Variants in PLXDC2 observed in about 807,000 individuals in gnomAD.
PLXDC2 encodes plexin domain-containing protein 2.
A neutral mutation model predicts 68.9 loss-of-function variants in PLXDC2; 40 were observed. The observed-to-expected ratio is 0.58, with a 90% CI of 0.45 to 0.76. The LOEUF (loss-of-function observed/expected upper bound fraction) is 0.76, where lower values mean the gene tolerates loss of function less well. Ranked by LOEUF, PLXDC2 falls within the 30% of genes least tolerant of loss-of-function variation. The pLI, the probability that PLXDC2 is intolerant of heterozygous loss-of-function variation, is 0.00. For synonymous variants in PLXDC2, 243 were observed against 234.2 expected, an observed-to-expected ratio of 1.04 and a Z score of -0.34; for missense variants, 644 against 661.9, an observed-to-expected ratio of 0.97 and a Z score of 0.30.
intron 1 of PLXDC2, among the ~76,000 whole-genome samples, chr10:19,872,170 G>A (rs537200301): frequency 5.9e-5 from 9 of 152,338 alleles, no homozygotes; most frequent in Non-Finnish European, 1.0e-4. Context: ...CATTAGCCAT[G>A]AAATAGTCCA....
chr10:19,920,978 A>G (rs1392199931), intron 1 of PLXDC2, among the ~76,000 whole-genome samples: 1 of 151,804 alleles, frequency 6.6e-6, no homozygotes, highest in South Asian at 2.1e-4. Flanking sequence ...CCCAGGCTGG[A>G]GTTCAGTGGC....
At chr10:20,167,944 T>C (rs1048216685) in intron 7 of PLXDC2, among the ~76,000 whole-genome samples, 1 of 152,128 alleles carries the variant, frequency 6.6e-6, no homozygotes, top group Non-Finnish European at 1.5e-5. Context: ...TGTTTTTCAG[T>C]TTTTGAAGAC....
intron 3 of PLXDC2, among the ~76,000 whole-genome samples, chr10:20,051,397 T>A (rs1473759189): frequency 7.3e-4 from 1 of 1,370 alleles, no homozygotes; most frequent in Admixed American, 4.0e-3. Context: ...AAAGGTTAAA[T>A]ATATATATAT....
chr10:19,846,956 C>T (rs1235120193), intron 1 of PLXDC2, among the ~76,000 whole-genome samples: 2 of 152,022 alleles, frequency 1.3e-5, no homozygotes, highest in East Asian at 1.9e-4. Context: ...CAAGAGAGAG[C>T]GTGTGCAGGT....
intron 1 of PLXDC2, among the ~76,000 whole-genome samples, chr10:19,862,723 G>A (rs1024650986): frequency 4.6e-5 from 7 of 152,092 alleles, no homozygotes; most frequent in Non-Finnish European, 8.8e-5. Context: ...TCCCAATCAC[G>A]GAAAAATGGA....
intron 1 of PLXDC2, among the ~76,000 whole-genome samples, chr10:19,907,172 G>C (rs1833178854): frequency 6.6e-6 from 1 of 152,024 alleles, no homozygotes; most frequent in Non-Finnish European, 1.5e-5. Flanking sequence ...TTATTTTCTT[G>C]AGCGCTAAGA....
In PLXDC2 at chr10:19,953,600, A is replaced by G. The variant is rs753708425; in HGVS notation, c.113-48175A>G. 6.7e-4 allele frequency among the ~76,000 whole-genome samples: 102 copies of G among 152,238 alleles called. 2 individuals are homozygous for G. Among genetic ancestry groups the G allele is most frequent in the Non-Finnish European group, 2.8e-4 (19 of 68,038 alleles). On this transcript the variant is annotated intron_variant, in intron 1 of 13. Transcript: ENST00000377252. ...TTCCAGTAGGTCTAGAAGTAGTATTAGCATTAAAATCCATTCTTCTGGATT... is the reference window on the plus strand; with the variant it reads ...TTCCAGTAGGTCTAGAAGTAGTATTGGCATTAAAATCCATTCTTCTGGATT...
intron 2 of PLXDC2, among the ~76,000 whole-genome samples, chr10:20,033,120 C>T (rs1835527566): frequency 6.6e-6 from 1 of 151,554 alleles, no homozygotes; most frequent in African/African-American, 2.4e-5. Flanking sequence ...CAACATGGCA[C>T]ATGTATACAT....
intron 12 of PLXDC2, among the ~76,000 whole-genome samples, chr10:20,239,578 G>T (rs1047074140): frequency 6.6e-6 from 1 of 152,096 alleles, no homozygotes; most frequent in Non-Finnish European, 1.5e-5. Context: ...CAGCATAAGA[G>T]AAACCACACC....
intron 1 of PLXDC2, among the ~76,000 whole-genome samples, chr10:19,903,829 CT>C (rs1564624407): frequency 6.6e-6 from 1 of 151,868 alleles, no homozygotes. Context: ...ATGCTATGAA[CT>C]TTCCTTTTAG....
intron 1 of PLXDC2, among the ~76,000 whole-genome samples, chr10:19,879,325 C>G (rs1837687464): frequency 6.6e-6 from 1 of 151,938 alleles, no homozygotes; most frequent in Non-Finnish European, 1.5e-5. Context: ...GTGCTGGGCA[C>G]ATAGAATGTA....
At chr10:19,910,425 T>C (rs7902360) in intron 1 of PLXDC2, among the ~76,000 whole-genome samples, 50,468 of 151,378 alleles carry the variant, frequency 0.33, 10,139 homozygotes, top group African/African-American at 0.56. Flanking sequence ...ACTATTATAA[T>C]CACTATCCGG....
Position 20,015,052 on chromosome 10 carries a change from A to G in PLXDC2, c.324+13066A>G, listed in dbSNP as rs148995147. Among the ~76,000 whole-genome samples the G allele has an allele frequency of 5.1e-3, 772 of 152,344 alleles. 8 individuals carry two copies. Among genetic ancestry groups the G allele is most frequent in the African/African-American group, 0.018 (748 of 41,578 alleles). On this transcript the variant is annotated intron_variant, in intron 2 of 13. Coordinates refer to ENST00000377252, the MANE Select transcript of PLXDC2 (RefSeq NM_032812.9). Reference sequence around the variant, plus strand: ...TCAGCTTTGAAGCAGTCCGTGAGATAAAGCCAGGAGTGAGTTGACAGCAGG... The same window carrying G: ...TCAGCTTTGAAGCAGTCCGTGAGATGAAGCCAGGAGTGAGTTGACAGCAGG...
chr10:20,026,135 C>T (rs540709613), intron 2 of PLXDC2, among the ~76,000 whole-genome samples: 5 of 144,152 alleles, frequency 3.5e-5, no homozygotes, highest in African/African-American at 7.3e-5. Flanking sequence ...ATAGGTAAAT[C>T]AAGTGGTTCT....
At chr10:20,178,798 G>GT (rs1834563271) in intron 9 of PLXDC2, among the ~76,000 whole-genome samples, 1 of 152,050 alleles carries the variant, frequency 6.6e-6, no homozygotes. Flanking sequence ...GATAACGTCT[G>GT]TTTTGTTTTC....
chr10:19,894,725 A>G (rs913954883), intron 1 of PLXDC2, among the ~76,000 whole-genome samples: 4 of 152,216 alleles, frequency 2.6e-5, no homozygotes, highest in Admixed American at 2.6e-4. Flanking sequence ...CGAAACCACA[A>G]TGAGATCCCA....
At chr10:20,122,713 G>T (rs1213999012) in intron 4 of PLXDC2, among the ~76,000 whole-genome samples, 1 of 152,198 alleles carries the variant, frequency 6.6e-6, no homozygotes, top group East Asian at 1.9e-4. Context: ...TGTGGCTGGG[G>T]TTTGTCTCAC....
Position 20,206,552 on chromosome 10 carries a change from T to C in PLXDC2, c.1062-5117T>C, listed in dbSNP as rs113383002. Among the ~76,000 whole-genome samples the C allele has an allele frequency of 3.4e-3, 511 of 152,100 alleles. 1 individual carries two copies. Among genetic ancestry groups the C allele is most frequent in the African/African-American group, 0.011 (444 of 41,498 alleles). On this transcript the variant is annotated intron_variant, in intron 9 of 13. Transcript: ENST00000377252. ...GGAAGGGAAAAGAATTTGCTGTGCT[T>C]AGAGCAAAAGGAGGGTATGAATGGG...
At chr10:20,132,579 A>G (rs1833881481) in intron 4 of PLXDC2, among the ~76,000 whole-genome samples, 1 of 152,038 alleles carries the variant, frequency 6.6e-6, no homozygotes, top group Non-Finnish European at 1.5e-5. Context: ...TGATGAATTG[A>G]TATCTTTATC....
Sources: gnomAD v4.1 joint callset for allele counts (sites outside exome capture counted in the v4.1 genomes callset) on GRCh38, gnomAD v4.1.1 for gene constraint, MANE v1.5 for transcripts, NCBI Gene and HGNC (gene_info 2026-07-23, HGNC 2026-07-21) for gene names.